CCDC178: variants seen among roughly 807,000 people sequenced by gnomAD.
The protein encoded by CCDC178 is coiled-coil domain-containing protein 178.
Under a neutral mutation model 117.4 loss-of-function variants are expected in CCDC178, and 126 were observed. That is an observed-to-expected ratio of 1.07 (90% CI 0.93 to 1.24). The LOEUF (loss-of-function observed/expected upper bound fraction) is 1.24, where lower values mean the gene tolerates loss of function less well. Among genes scored for constraint, CCDC178 ranks in the 50% most tolerant of loss-of-function variants. The pLI is 0.00. For missense variants in CCDC178, 1,030 were observed against 986.9 expected (o/e 1.04, Z -0.59); for synonymous variants, 283 against 313.4 (o/e 0.90, Z 1.02).
At chr18:33,189,836 T>C (rs1261613749) in intron 20 of CCDC178, among the ~76,000 whole-genome samples, 2 of 152,186 alleles carry the variant, frequency 1.3e-5, no homozygotes, top group Non-Finnish European at 2.9e-5. Context: ...GTTTAGAGTA[T>C]GTCAAAAGAA....
At chr18:33,312,091 T>G (rs1463637098) in intron 11 of CCDC178, among the ~76,000 whole-genome samples, 2 of 152,132 alleles carry the variant, frequency 1.3e-5, no homozygotes, top group Non-Finnish European at 2.9e-5. Context: ...AATATCAATT[T>G]GTACAAGATT....
At chr18:33,344,260 C>T (rs1311863397) in intron 9 of CCDC178, among the ~76,000 whole-genome samples, 5 of 139,154 alleles carry the variant, frequency 3.6e-5, no homozygotes, top group Non-Finnish European at 7.6e-5. Context: ...GCCGAGATTG[C>T]GCCACTGCAG....
In CCDC178 at chr18:33,114,065, T is replaced by A. The variant is rs148301025; in HGVS notation, c.2239-21155A>T. ...TAGAATGCCCATGGACTTTGGACTA[T>A]CATAGGAGATTGACAAAAAAGAGAA... On this transcript the variant is annotated intron_variant, in intron 20 of 22. Transcript: ENST00000383096. 7.9e-5 allele frequency among the ~76,000 whole-genome samples: 12 copies of A among 152,150 alleles called. No individual in the cohort carries two copies. The East Asian group carries it at 2.3e-3, about 30-fold the overall frequency.
intron 21 of CCDC178, among the ~76,000 whole-genome samples, chr18:33,084,768 G>A (rs896896899): frequency 6.0e-5 from 9 of 150,308 alleles, no homozygotes; most frequent in Non-Finnish European, 8.9e-5. Context: ...CCGAGATTGC[G>A]CCACTGCACT....
chr18:32,993,777 C>T (rs1396486089), intron 21 of CCDC178, among the ~76,000 whole-genome samples: 1 of 152,170 alleles, frequency 6.6e-6, no homozygotes, highest in East Asian at 1.9e-4. Flanking sequence ...GCACCTGATT[C>T]AGGGTTAGGT....
chr18:33,088,687 C>T (rs1399010830), intron 21 of CCDC178, among the ~76,000 whole-genome samples: 1 of 152,118 alleles, frequency 6.6e-6, no homozygotes, highest in Non-Finnish European at 1.5e-5. Context: ...TAGAGGCCAA[C>T]ACACTGCTGC....
At chr18:33,427,010 T>C (rs2064133627) in intron 2 of CCDC178, among the ~76,000 whole-genome samples, 1 of 152,132 alleles carries the variant, frequency 6.6e-6, no homozygotes. Flanking sequence ...AGGAGCATAA[T>C]CCTGCCTTAA....
intron 11 of CCDC178, among the ~76,000 whole-genome samples, chr18:33,311,666 A>G (rs1280791795): frequency 1.3e-5 from 2 of 152,216 alleles, no homozygotes; most frequent in Admixed American, 1.3e-4. Context: ...AAGGGAAGGG[A>G]CAGAGGGCTT....
chr18:33,002,574 T>C (rs774048991), intron 21 of CCDC178, among the ~76,000 whole-genome samples: 1 of 151,692 alleles, frequency 6.6e-6, no homozygotes, highest in African/African-American at 2.4e-5. Context: ...AGAACCTACA[T>C]CAAACATGAG....
Position 33,346,135 on chromosome 18 carries a change from A to T in CCDC178, c.658+76T>A, listed in dbSNP as rs186271588. ...GCCATGGCACTAAGACAATTTTTTT[A>T]AAAATATACAGACCTGTAATTAATT... is the stretch of plus-strand genomic sequence containing the variant. On this transcript the variant is annotated intron_variant, in intron 9 of 22. Transcript: ENST00000383096. The T allele has an allele frequency of 6.2e-4, 720 of 1,160,310 alleles. 4 individuals carry two copies. The African/African-American group carries it at 0.01, about 16-fold the overall frequency. 71.9% of individuals were successfully genotyped at this position (1,160,310 alleles called of 1,614,324 possible).
At chr18:33,388,431 T>C (rs2063522976) in intron 5 of CCDC178, among the ~76,000 whole-genome samples, 1 of 151,764 alleles carries the variant, frequency 6.6e-6, no homozygotes, top group Non-Finnish European at 1.5e-5. Flanking sequence ...AGTGCAGCAC[T>C]ATTCACAATA....
At chr18:33,081,352 T>C (rs184165631) in intron 21 of CCDC178, among the ~76,000 whole-genome samples, 169 of 152,322 alleles carry the variant, frequency 1.1e-3, no homozygotes, top group African/African-American at 3.9e-3. Context: ...ATATGTAGGG[T>C]CAATTCATGC....
chr18:33,074,800 G>T (rs1464325853), intron 21 of CCDC178, among the ~76,000 whole-genome samples: 1 of 152,206 alleles, frequency 6.6e-6, no homozygotes, highest in Non-Finnish European at 1.5e-5. Context: ...TCAAAGAAGA[G>T]AATGGAAAGT....
At chr18:33,193,264 CAAAAAAAAA>C (rs59092607) in intron 20 of CCDC178, among the ~76,000 whole-genome samples, 35 of 77,180 alleles carry the variant, frequency 4.5e-4, no homozygotes, top group Admixed American at 2.1e-3. Context: ...CTCCGTCTCA[CAAAAAAAAA>C]AAAAAAAAAA....
At chr18:33,373,806 G>A (rs773075727) in intron 5 of CCDC178, among the ~76,000 whole-genome samples, 1 of 152,086 alleles carries the variant, frequency 6.6e-6, no homozygotes, top group African/African-American at 2.4e-5. Context: ...TTACCTGGCT[G>A]TAATCTGATT....
intron 11 of CCDC178, among the ~76,000 whole-genome samples, chr18:33,298,019 C>T (rs147586080): frequency 1.2e-4 from 18 of 147,864 alleles, no homozygotes; most frequent in African/African-American, 3.0e-4. Flanking sequence ...CCAGCCTGGG[C>T]GACTGAGCGA....
At chr18:33,413,499 A>C (rs1231180836) in intron 2 of CCDC178, among the ~76,000 whole-genome samples, 1 of 149,266 alleles carries the variant, frequency 6.7e-6, no homozygotes, top group Non-Finnish European at 1.5e-5. Flanking sequence ...AAGAAAATGA[A>C]TTCCTCCAGT....
At chr18:33,020,946 G>C (rs777216197) in intron 21 of CCDC178, among the ~76,000 whole-genome samples, 8 of 152,180 alleles carry the variant, frequency 5.3e-5, no homozygotes, top group Non-Finnish European at 8.8e-5. Context: ...AGAAATGAGA[G>C]TTGGACATAT....
chr18:33,202,946 T>A (rs2059009333), intron 20 of CCDC178, among the ~76,000 whole-genome samples: 1 of 152,226 alleles, frequency 6.6e-6, no homozygotes, highest in Non-Finnish European at 1.5e-5. Flanking sequence ...ATCATTTTTA[T>A]AGGACATATT....
Sources: gnomAD v4.1 joint callset for allele counts (sites outside exome capture counted in the v4.1 genomes callset) on GRCh38, gnomAD v4.1.1 for gene constraint, MANE v1.5 for transcripts, NCBI Gene and HGNC (gene_info 2026-07-23, HGNC 2026-07-21) for gene names.